LRMDA: variants seen among roughly 807,000 people sequenced by gnomAD.
The protein encoded by LRMDA is leucine rich melanocyte differentiation associated, also known as leucine-rich melanocyte differentiation-associated protein.
LRMDA carries 18 observed loss-of-function variants against 29.8 expected under a neutral mutation model. The ratio of observed to expected loss-of-function variants is 0.60; its 90% CI spans 0.42 to 0.90. The LOEUF (loss-of-function observed/expected upper bound fraction) is 0.90. Among genes scored for constraint, LRMDA ranks in the 40% least tolerant of loss-of-function variants. The pLI is 0.00. For synonymous variants in LRMDA, 125 were observed against 109.4 expected (o/e 1.14, Z -0.89); for missense variants, 273 against 273.9 (o/e 1.00, Z 0.02).
intron 6 of LRMDA, among the ~76,000 whole-genome samples, chr10:76,364,092 G>A (rs1447329590): frequency 6.6e-6 from 1 of 152,122 alleles, no homozygotes; most frequent in East Asian, 1.9e-4. Flanking sequence ...TGGAGATAGG[G>A]AATCACTCCC....
At chr10:75,561,384 C>T (rs1040631271) in intron 2 of LRMDA, among the ~76,000 whole-genome samples, 5 of 149,198 alleles carry the variant, frequency 3.4e-5, no homozygotes, top group African/African-American at 4.9e-5. Context: ...GGTGATATCC[C>T]CTTTATCATT....
At chr10:76,437,101 A>G (rs1319078514) in intron 6 of LRMDA, among the ~76,000 whole-genome samples, 1 of 152,160 alleles carries the variant, frequency 6.6e-6, no homozygotes, top group Non-Finnish European at 1.5e-5. Context: ...TTGAACTTGC[A>G]TAGTCTAAAA....
chr10:75,834,626 A>T (rs1844402574), intron 2 of LRMDA, among the ~76,000 whole-genome samples: 1 of 152,178 alleles, frequency 6.6e-6, no homozygotes, highest in Non-Finnish European at 1.5e-5. Context: ...TTTCAGAAAA[A>T]TATCCAACTT....
At chr10:76,380,961 G>T (rs1589158908) in intron 6 of LRMDA, among the ~76,000 whole-genome samples, 1 of 147,138 alleles carries the variant, frequency 6.8e-6, no homozygotes, top group East Asian at 2.0e-4. Context: ...TAACATTTTT[G>T]TGTTAAAATA....
chr10:75,812,086 T>C (rs1007938657), intron 2 of LRMDA, among the ~76,000 whole-genome samples: 1 of 149,908 alleles, frequency 6.7e-6, no homozygotes, highest in Non-Finnish European at 1.5e-5. Flanking sequence ...TGACTAATAG[T>C]TTCTAAGGGG....
Position 76,391,863 on chromosome 10 carries a change from G to T in LRMDA, c.601+67378G>T, listed in dbSNP as rs533232835. Among the ~76,000 whole-genome samples the T allele has an allele frequency of 4.6e-5, 7 of 152,260 alleles. 1 individual carries two copies. The highest frequency in any genetic ancestry group is 3.9e-4 in the Admixed American group (6 of 15,288). On this transcript the variant is annotated intron_variant, in intron 6 of 6. Coordinates refer to ENST00000611255, the MANE Select transcript of LRMDA (RefSeq NM_001305581.2). ...GTAAAATGCCTTATTTAAGGTAACT[G>T]TTCTTAGTCTACTTTGAAGTCTATG...
intron 2 of LRMDA, among the ~76,000 whole-genome samples, chr10:75,548,484 C>T (rs1220963663): frequency 6.6e-6 from 1 of 152,094 alleles, no homozygotes; most frequent in East Asian, 1.9e-4. Context: ...CCTAGGCCTC[C>T]TTCCTCGCTA....
At chr10:75,569,443 TAAAAGA>T (rs1353618892) in intron 2 of LRMDA, among the ~76,000 whole-genome samples, 1 of 152,184 alleles carries the variant, frequency 6.6e-6, no homozygotes, top group Non-Finnish European at 1.5e-5. Flanking sequence ...AGCTTTGTTA[TAAAAGA>T]AAAAGAACTT....
intron 2 of LRMDA, among the ~76,000 whole-genome samples, chr10:75,650,533 T>G (rs999054160): frequency 1.3e-5 from 2 of 152,218 alleles, no homozygotes; most frequent in Admixed American, 1.3e-4. Flanking sequence ...TTTAAACATT[T>G]AGACCGCTAG....
intron 2 of LRMDA, among the ~76,000 whole-genome samples, chr10:75,468,223 C>A (rs929563874): frequency 6.6e-6 from 1 of 152,080 alleles, no homozygotes; most frequent in African/African-American, 2.4e-5. Context: ...TTGTCGGTTT[C>A]CCCCATACAT....
chr10:76,139,713 A>G (rs1850164189), intron 5 of LRMDA, among the ~76,000 whole-genome samples: 1 of 152,204 alleles, frequency 6.6e-6, no homozygotes, highest in South Asian at 2.1e-4. Context: ...TTTTAGAATT[A>G]TGACAGTGTT....
chr10:75,735,703 T>C (rs1162366564), intron 2 of LRMDA, among the ~76,000 whole-genome samples: 1 of 152,158 alleles, frequency 6.6e-6, no homozygotes, highest in Non-Finnish European at 1.5e-5. Context: ...TTGTTCCCAC[T>C]CAAGCCTTGG....
At chr10:76,329,947 A>G (rs1451228710) in intron 6 of LRMDA, among the ~76,000 whole-genome samples, 1 of 152,234 alleles carries the variant, frequency 6.6e-6, no homozygotes, top group African/African-American at 2.4e-5. Flanking sequence ...TTAAATCGCC[A>G]AAGTGAAAGT....
intron 2 of LRMDA, among the ~76,000 whole-genome samples, chr10:75,592,785 T>C (rs2132085284): frequency 6.6e-6 from 1 of 152,372 alleles, no homozygotes; most frequent in South Asian, 2.1e-4. Flanking sequence ...CTTAGTTATG[T>C]CAAGCGATTT....
At chr10:76,083,505 T>A (rs927951686) in intron 5 of LRMDA, among the ~76,000 whole-genome samples, 3 of 152,190 alleles carry the variant, frequency 2.0e-5, no homozygotes, top group African/African-American at 7.2e-5. Context: ...TCACCACACC[T>A]AAATAATTTT....
intron 2 of LRMDA, among the ~76,000 whole-genome samples, chr10:75,541,442 A>G (rs911985691): frequency 6.9e-6 from 1 of 145,450 alleles, no homozygotes; most frequent in African/African-American, 2.6e-5. Flanking sequence ...TATTTTTCCC[A>G]GTGCAAAAGG....
chr10:75,789,787 C>G lies in LRMDA; in HGVS notation c.132-246221C>G, dbSNP rs115535741. On this transcript the variant is annotated intron_variant, in intron 2 of 6. Transcript: ENST00000611255. ...CAAGGCCCATTCTTTGAATTTCAAA[C>G]TGCTGTTGCTATATTTGGATGTTGA... Among the ~76,000 whole-genome samples the G allele has an allele frequency of 8.8e-4, 134 of 152,260 alleles. 1 individual carries two copies. Among genetic ancestry groups the G allele is most frequent in the African/African-American group, 3.1e-3 (130 of 41,536 alleles).
At chr10:75,898,501 A>C (rs1845620005) in intron 2 of LRMDA, among the ~76,000 whole-genome samples, 1 of 152,284 alleles carries the variant, frequency 6.6e-6, no homozygotes, top group African/African-American at 2.4e-5. Context: ...GGAAATTTAA[A>C]GAATTGAGCC....
At chr10:76,066,884 G>T (rs1386624895) in intron 5 of LRMDA, among the ~76,000 whole-genome samples, 5 of 152,230 alleles carry the variant, frequency 3.3e-5, no homozygotes, top group Admixed American at 2.6e-4. Flanking sequence ...CTGGGTATCT[G>T]GGAGAGGGAG....
Sources: gnomAD v4.1 joint callset for allele counts (sites outside exome capture counted in the v4.1 genomes callset) on GRCh38, gnomAD v4.1.1 for gene constraint, MANE v1.5 for transcripts, NCBI Gene and HGNC (gene_info 2026-07-23, HGNC 2026-07-21) for gene names.